Variants in CACNA2D3 observed in about 807,000 individuals in gnomAD.
CACNA2D3 encodes calcium voltage-gated channel auxiliary subunit alpha2delta 3.
CACNA2D3 carries 60 observed loss-of-function variants against 160.6 expected under a neutral mutation model. The ratio of observed to expected loss-of-function variants is 0.37; its 90% confidence interval spans 0.30 to 0.46. CACNA2D3 has a LOEUF of 0.46. Among genes scored for constraint, CACNA2D3 ranks in the 20% least tolerant of loss-of-function variants. CACNA2D3 has a pLI of 1.00. For synonymous variants in CACNA2D3, 558 were observed against 492.9 expected (o/e 1.13, Z -1.75); for missense variants, 1,205 against 1,365.0 (o/e 0.88, Z 1.85).
intron 29 of CACNA2D3, among the ~76,000 whole-genome samples, chr3:54,972,545 A>C (rs989571076): frequency 1.3e-5 from 2 of 148,892 alleles, no homozygotes; most frequent in African/African-American, 5.1e-5. Context: ...GGGGCTCATT[A>C]AGTTCAGTGG....
intron 13 of CACNA2D3, among the ~76,000 whole-genome samples, chr3:54,816,060 A>C (rs1025866255): frequency 6.6e-6 from 1 of 152,176 alleles, no homozygotes; most frequent in African/African-American, 2.4e-5. Context: ...CTTTTTCCAC[A>C]TACCTATTAA....
chr3:55,038,864 C>A (rs1334296016), intron 35 of CACNA2D3, among the ~76,000 whole-genome samples: 5 of 99,080 alleles, frequency 5.0e-5, no homozygotes, highest in Non-Finnish European at 1.0e-4. Flanking sequence ...AGCCAGGATG[C>A]TATATATATA....
At chr3:54,470,075 A>G (rs1700702745) in intron 4 of CACNA2D3, among the ~76,000 whole-genome samples, 1 of 152,228 alleles carries the variant, frequency 6.6e-6, no homozygotes, top group Non-Finnish European at 1.5e-5. Context: ...TAGGAAATAC[A>G]GAGAACATCA....
intron 4 of CACNA2D3, among the ~76,000 whole-genome samples, chr3:54,488,628 A>G (rs377370444): frequency 6.9e-4 from 105 of 152,158 alleles, no homozygotes; most frequent in African/African-American, 2.4e-3. Flanking sequence ...CCACGGTAGG[A>G]CATTGCTGAG....
At chr3:54,836,231 T>TC (rs1412638532) in intron 14 of CACNA2D3, among the ~76,000 whole-genome samples, 2 of 148,074 alleles carry the variant, frequency 1.4e-5, no homozygotes, top group Non-Finnish European at 3.0e-5. Context: ...TTTTTCTTTT[T>TC]TTTTTTTTTT....
At chr3:54,158,020 A>G (rs1049172880) in intron 2 of CACNA2D3, among the ~76,000 whole-genome samples, 6 of 152,218 alleles carry the variant, frequency 3.9e-5, no homozygotes, top group African/African-American at 1.4e-4. Flanking sequence ...GGTGGGAGGC[A>G]TTGCAGCTTC....
intron 27 of CACNA2D3, among the ~76,000 whole-genome samples, chr3:54,946,971 G>A (rs778788496): frequency 2.0e-5 from 3 of 152,152 alleles, no homozygotes; most frequent in Non-Finnish European, 4.4e-5. Flanking sequence ...TGTGACCATA[G>A]TGCATTTAAG....
chr3:54,563,672 A>G (rs1259115882), intron 6 of CACNA2D3, among the ~76,000 whole-genome samples: 2 of 152,238 alleles, frequency 1.3e-5, no homozygotes, highest in Non-Finnish European at 2.9e-5. Flanking sequence ...CTGTGCCAAC[A>G]TCACAGCTGT....
At chr3:54,138,837 T>G (rs1195570652) in intron 2 of CACNA2D3, among the ~76,000 whole-genome samples, 3 of 152,252 alleles carry the variant, frequency 2.0e-5, no homozygotes, top group Non-Finnish European at 4.4e-5. Flanking sequence ...CATGTGTTTG[T>G]TTTTTGTTTT....
rs534046561 is a variant in CACNA2D3, at chr3:54,900,564, C to T, written c.2449+696C>T. On this transcript the variant is annotated intron_variant, in intron 27 of 37. Transcript: ENST00000474759. ...CAGATGCTGACATAAAAACAAGGCCCGAGGGTGTGTCTGGCACATGGTTTA... is the reference window on the plus strand; with the variant it reads ...CAGATGCTGACATAAAAACAAGGCCTGAGGGTGTGTCTGGCACATGGTTTA... Among the ~76,000 whole-genome samples, 20 of 152,208 alleles carry T rather than the reference C, an allele frequency of 1.3e-4. No individual in the cohort carries two copies. The East Asian group carries it at 3.7e-3, about 28-fold the overall frequency.
At chr3:54,763,728 T>C (rs376187101) in intron 12 of CACNA2D3, among the ~76,000 whole-genome samples, 2 of 72,712 alleles carry the variant, frequency 2.8e-5, no homozygotes, top group African/African-American at 3.8e-5. Context: ...CATATATACA[T>C]ATATATGTGT....
intron 11 of CACNA2D3, among the ~76,000 whole-genome samples, chr3:54,703,065 C>T (rs75331525): frequency 0.14 from 21,667 of 151,884 alleles, 2,056 homozygotes; most frequent in Non-Finnish European, 0.21. Flanking sequence ...CGATAGACAC[C>T]GGGGCTTATA....
At chr3:54,540,123 T>C (rs987781392) in intron 5 of CACNA2D3, among the ~76,000 whole-genome samples, 5 of 152,178 alleles carry the variant, frequency 3.3e-5, no homozygotes, top group Admixed American at 6.5e-5. Flanking sequence ...GGCCGGGCTA[T>C]TGAACATGAT....
Position 54,471,044 on chromosome 3 carries a change from T to G in CACNA2D3, c.382-32448T>G, listed in dbSNP as rs535304755. Among the ~76,000 whole-genome samples, 11 of 152,266 alleles carry G rather than the reference T, an allele frequency of 7.2e-5. No individual in the cohort carries two copies. The South Asian group carries it at 2.1e-3, about 29-fold the overall frequency. On this transcript the variant is annotated intron_variant, in intron 4 of 37. Transcript: ENST00000474759. Reference sequence around the variant, plus strand: ...AGGATATTCAGGACTTGAACTCAGTTCTGGAACAAGCAGACCTAATAGACA... The same window carrying G: ...AGGATATTCAGGACTTGAACTCAGTGCTGGAACAAGCAGACCTAATAGACA...
chr3:54,976,605 C>T (rs1395144050), intron 29 of CACNA2D3, among the ~76,000 whole-genome samples: 4 of 152,126 alleles, frequency 2.6e-5, no homozygotes, highest in African/African-American at 7.2e-5. Context: ...TGCCATCCTC[C>T]TTATTCTTCT....
intron 2 of CACNA2D3, among the ~76,000 whole-genome samples, chr3:54,210,603 G>A (rs533702602): frequency 1.1e-4 from 16 of 152,292 alleles, no homozygotes; most frequent in African/African-American, 3.8e-4. Context: ...AGTAGATGAG[G>A]TAATGGACTT....
Position 55,018,140 on chromosome 3 carries a change from T to C in CACNA2D3, c.2876-66T>C, listed in dbSNP as rs1703368225. 3.2e-6 allele frequency: 3 copies of C among 939,380 alleles called. 1 individual carries two copies. The highest frequency in any genetic ancestry group is 3.4e-6 in the Non-Finnish European group (2 of 584,436). 58.2% of individuals were successfully genotyped at this position (939,380 alleles called of 1,614,324 possible). On this transcript the variant is annotated intron_variant, in intron 34 of 37. Transcript: ENST00000474759. The stretch of plus-strand genomic sequence containing the variant: ...AACTGTGTTCTGGGTTGCTGTGGGC[T>C]GCCAGTCACAATTTTGAGCCTGTGC...
Position 54,378,711 on chromosome 3 carries a change from T to C in CACNA2D3, c.322-8004T>C, listed in dbSNP as rs1400226438. ...GTAAGCAGAAGAACATCATTTAAAA[T>C]ACTTGGTCATTTGGAAAAATTACTT... On this transcript the variant is annotated intron_variant, in intron 3 of 37. Transcript: ENST00000474759. Among the ~76,000 whole-genome samples the C allele has an allele frequency of 3.6e-4, 55 of 152,222 alleles. 1 individual carries two copies. The highest frequency in any genetic ancestry group is 3.6e-3 in the Admixed American group (55 of 15,284).
rs72874223 is a variant in CACNA2D3, at chr3:54,769,845, G to A, written c.1380+5494G>A. 1.6e-3 allele frequency among the ~76,000 whole-genome samples: 243 copies of A among 152,194 alleles called. 1 individual carries two copies. The highest frequency in any genetic ancestry group is 5.2e-3 in the African/African-American group (214 of 41,544). Reference sequence around the variant, plus strand: ...TCTTGGAAAACATTGTTTGTTTAACGATACTCTTTAATTCTTTGGAATTCA... The same window carrying A: ...TCTTGGAAAACATTGTTTGTTTAACAATACTCTTTAATTCTTTGGAATTCA... On this transcript the variant is annotated intron_variant, in intron 13 of 37. Coordinates refer to ENST00000474759, the MANE Select transcript of CACNA2D3 (RefSeq NM_018398.3).
Sources: gnomAD v4.1 joint callset for allele counts (sites outside exome capture counted in the v4.1 genomes callset) on GRCh38, gnomAD v4.1.1 for gene constraint, MANE v1.5 for transcripts, NCBI Gene and HGNC (gene_info 2026-07-23, HGNC 2026-07-21) for gene names.